The following DCDC2C variants were observed in gnomAD, a reference collection of about 807,000 sequenced individuals.
DCDC2C encodes doublecortin domain-containing protein 2C.
DCDC2C carries 44 observed loss-of-function variants against 45.0 expected under a neutral mutation model. The observed-to-expected ratio is 0.98, with a 90% confidence interval of 0.77 to 1.26. The LOEUF (loss-of-function observed/expected upper bound fraction) is 1.26. Among genes scored for constraint, DCDC2C ranks in the 50% most tolerant of loss-of-function variants. The pLI, the probability that DCDC2C is intolerant of heterozygous loss-of-function variation, is 0.00. For missense variants in DCDC2C, 447 were observed against 468.9 expected (o/e 0.95, Z 0.43); for synonymous variants, 187 against 178.8 (o/e 1.05, Z -0.37).
At chr2:3,766,884 A>G (rs1038971336) in intron 6 of DCDC2C, among the ~76,000 whole-genome samples, 1 of 152,248 alleles carries the variant, frequency 6.6e-6, no homozygotes, top group African/African-American at 2.4e-5. Flanking sequence ...AGTTTGACTT[A>G]GGATTTTTGA....
At chr2:3,712,591 G>T (rs552174552) in intron 2 of DCDC2C, among the ~76,000 whole-genome samples, 1 of 152,198 alleles carries the variant, frequency 6.6e-6, no homozygotes, top group Admixed American at 6.5e-5. Flanking sequence ...AGCTATGATT[G>T]CACAACTGCA....
intron 10 of DCDC2C, among the ~76,000 whole-genome samples, chr2:3,814,125 C>A (rs2148216733): frequency 6.6e-6 from 1 of 152,212 alleles, no homozygotes; most frequent in Admixed American, 6.5e-5. Context: ...TGTTTTCCAG[C>A]TTTTCCATTT....
At chr2:3,781,238 G>C (rs751468725) in intron 9 of DCDC2C, among the ~76,000 whole-genome samples, 3 of 152,240 alleles carry the variant, frequency 2.0e-5, no homozygotes, top group Non-Finnish European at 2.9e-5. Context: ...AATAGGCCAC[G>C]GTGAGCTAAC....
At chr2:3,768,725 C>T (rs1158258006) in intron 7 of DCDC2C, among the ~76,000 whole-genome samples, 4 of 152,106 alleles carry the variant, frequency 2.6e-5, no homozygotes, top group African/African-American at 9.7e-5. Flanking sequence ...AGGCACCTCT[C>T]ACCACACCTG....
intron 2 of DCDC2C, among the ~76,000 whole-genome samples, chr2:3,718,498 A>G (rs1476071941): frequency 6.6e-6 from 1 of 152,170 alleles, no homozygotes; most frequent in Non-Finnish European, 1.5e-5. Context: ...AATGAGATTC[A>G]CGTGGCCAGA....
At chr2:3,782,929 T>G (rs765332719) in intron 9 of DCDC2C, among the ~76,000 whole-genome samples, 1 of 152,182 alleles carries the variant, frequency 6.6e-6, no homozygotes, top group Non-Finnish European at 1.5e-5. Context: ...CAAAGCAAGA[T>G]GGAAAGTATG....
intron 2 of DCDC2C, among the ~76,000 whole-genome samples, chr2:3,723,391 AAAGT>A (rs1009599571): frequency 3.0e-4 from 46 of 152,208 alleles, no homozygotes; most frequent in African/African-American, 8.2e-4. Context: ...GTGACTTCTT[AAAGT>A]AAGAGGGGCA....
At chr2:3,806,569 G>A (rs1671249891) in intron 10 of DCDC2C, among the ~76,000 whole-genome samples, 1 of 147,858 alleles carries the variant, frequency 6.8e-6, no homozygotes, top group East Asian at 2.0e-4. Context: ...TTGAGATGGA[G>A]TCTCTCACCG....
intron 3 of DCDC2C, 74 bp from the exon 4 acceptor site, chr2:3,741,846 A>G (rs1669219669): frequency 7.1e-7 from 1 of 1,412,368 alleles, no homozygotes; most frequent in African/African-American, 1.4e-5. Flanking sequence ...CTGTAATTGT[A>G]TATATATTGA....
intron 8 of DCDC2C, among the ~76,000 whole-genome samples, chr2:3,770,541 A>G (rs1670135497): frequency 6.6e-6 from 1 of 152,232 alleles, no homozygotes; most frequent in Non-Finnish European, 1.5e-5. Flanking sequence ...GTCAAAAATG[A>G]CTAAAAGATT....
chr2:3,770,540 G>T (rs1670135427), intron 8 of DCDC2C, among the ~76,000 whole-genome samples: 2 of 152,054 alleles, frequency 1.3e-5, no homozygotes, highest in Non-Finnish European at 2.9e-5. Context: ...TGTCAAAAAT[G>T]ACTAAAAGAT....
intron 2 of DCDC2C, among the ~76,000 whole-genome samples, chr2:3,715,624 A>C (rs1668332060): frequency 6.6e-6 from 1 of 152,110 alleles, no homozygotes; most frequent in Non-Finnish European, 1.5e-5. Flanking sequence ...TTTAATCTGA[A>C]TGCTTGTGTA....
chr2:3,813,823 G>A (rs1671485318), intron 10 of DCDC2C, among the ~76,000 whole-genome samples: 1 of 149,746 alleles, frequency 6.7e-6, no homozygotes, highest in East Asian at 2.0e-4. Context: ...ACATGAGATA[G>A]GTCTCCTTAA....
intron 4 of DCDC2C, among the ~76,000 whole-genome samples, chr2:3,749,502 G>C (rs927647823): frequency 3.3e-5 from 5 of 152,144 alleles, no homozygotes; most frequent in African/African-American, 1.2e-4. Context: ...CATGCATCAC[G>C]TTCTGTCTGG....
intron 6 of DCDC2C, among the ~76,000 whole-genome samples, chr2:3,764,656 T>G (rs1001366950): frequency 2.0e-5 from 3 of 152,226 alleles, no homozygotes; most frequent in Admixed American, 1.3e-4. Flanking sequence ...CAGGTATTTC[T>G]TCATAGCAGT....
intron 8 of DCDC2C, among the ~76,000 whole-genome samples, chr2:3,774,784 G>C (rs1167494033): frequency 7.2e-6 from 1 of 139,272 alleles, no homozygotes; most frequent in Non-Finnish European, 1.5e-5. Context: ...TTTTTTTTTT[G>C]AGATGGAGTT....
At chr2:3,809,035 A>AT (rs1187946707) in intron 10 of DCDC2C, among the ~76,000 whole-genome samples, 4 of 152,036 alleles carry the variant, frequency 2.6e-5, no homozygotes, top group Non-Finnish European at 4.4e-5. Flanking sequence ...AGTTACTTGC[A>AT]TTTTTTATAA....
chr2:3,797,364 T>C (rs1182761430), intron 10 of DCDC2C, among the ~76,000 whole-genome samples: 5 of 152,034 alleles, frequency 3.3e-5, no homozygotes, highest in Non-Finnish European at 7.4e-5. Context: ...TGTGTCTCTA[T>C]TTCCTTCAGT....
At chr2:3,790,343 A>G (rs1023016879) in intron 10 of DCDC2C, among the ~76,000 whole-genome samples, 2 of 152,222 alleles carry the variant, frequency 1.3e-5, no homozygotes, top group African/African-American at 4.8e-5. Flanking sequence ...TGACATGCTT[A>G]AGACATGCTA....
Sources: allele counts gnomAD v4.1 joint callset (sites outside exome capture counted in the v4.1 genomes callset), GRCh38; gene constraint gnomAD v4.1.1; transcripts MANE v1.5; gene names NCBI Gene and HGNC (gene_info 2026-07-23, HGNC 2026-07-21).